The following APOBEC1 variants were observed in gnomAD, a reference collection of about 807,000 sequenced individuals.
APOBEC1 encodes the protein C->U-editing enzyme APOBEC-1.
APOBEC1 carries 22 observed loss-of-function variants against 26.3 expected under a neutral mutation model. The observed-to-expected ratio is 0.84, with a 90% CI of 0.60 to 1.19. The LOEUF (loss-of-function observed/expected upper bound fraction) is 1.19, where lower values mean the gene tolerates loss of function less well. Among genes scored for constraint, APOBEC1 ranks in the 50% most tolerant of loss-of-function variants. The probability of loss-of-function intolerance (pLI) is 0.00; values close to 1 mark genes in which losing one functional copy is unlikely to be tolerated. For synonymous variants in APOBEC1, 77 were observed against 95.3 expected, an observed-to-expected ratio of 0.81 and a Z score of 1.12; for missense variants, 253 against 289.0, an observed-to-expected ratio of 0.88 and a Z score of 0.90.
chr12:7,650,664 T>G (rs1017701118), intron 4 of APOBEC1, among the ~76,000 whole-genome samples: 3 of 152,104 alleles, frequency 2.0e-5, no homozygotes, highest in Non-Finnish European at 2.9e-5. Flanking sequence ...AGACTCCTGG[T>G]CTCAAGCAAT....
At chr12:7,654,781 A>C in intron 1 of APOBEC1, 149 bp from the exon 2 acceptor site, 13 of 795,306 alleles carry the variant, frequency 1.6e-5, no homozygotes, top group Non-Finnish European at 2.2e-5. Context: ...GGACCAGCTC[A>C]TTGTACCCAA....
At chr12:7,670,164 A>G (rs1055357087), upstream of APOBEC1, among the ~76,000 whole-genome samples, 2 of 137,848 alleles carry the variant, frequency 1.5e-5, no homozygotes, top group African/African-American at 2.8e-5. Flanking sequence ...TTGCATTTTT[A>G]GTAGAGATGG....
chr12:7,665,807 C>CACACACACACA, intron 1 of APOBEC1, 50 bp downstream of exon 1: 2 of 1,097,510 alleles, frequency 1.8e-6, no homozygotes, highest in Non-Finnish European at 2.6e-6. Flanking sequence ...ACACACACAC[C>CACACACACACA]ATTCTTGCAT....
upstream of APOBEC1, chr12:7,665,931 A>C (rs1364137828): frequency 3.1e-6 from 5 of 1,605,838 alleles, no homozygotes; most frequent in Non-Finnish European, 4.3e-6. Context: ...TTGTTCCTGG[A>C]CTTTGTTGCT....
chr12:7,663,480 G>A (rs748558730), intron 1 of APOBEC1, among the ~76,000 whole-genome samples: 3 of 152,114 alleles, frequency 2.0e-5, no homozygotes, highest in Non-Finnish European at 4.4e-5. Context: ...GAGGAAGGGG[G>A]TGGCTGGCAC....
rs775471449 is a variant in APOBEC1, at chr12:7,649,663, A to G, written c.595T>C (p.Trp199Arg). ...CTGAAAAATGTAAGATGATTTTGCC[A>G]TCTTCTTGAAATCTTTAAACAGGGT... ...LPPCLKISRR[W>R]QNHLTFFRLH... The change falls in exon 5 of 5, where the codon TGG becomes CGG. Residue 199 changes from tryptophan (W) to arginine (R), a missense_variant. Trp to Arg is a moderately radical substitution (Grantham distance 101, BLOSUM62 -3). Transcript: ENST00000229304. The G allele has an allele frequency of 1.2e-6, 2 of 1,613,888 alleles. No individual in the cohort carries two copies. Among genetic ancestry groups the G allele is most frequent in the African/African-American group, 2.7e-5 (2 of 75,050 alleles).
At chr12:7,655,853 G>A (rs990515302) in intron 1 of APOBEC1, among the ~76,000 whole-genome samples, 13 of 152,134 alleles carry the variant, frequency 8.5e-5, no homozygotes, top group Admixed American at 6.6e-4. Flanking sequence ...GGGTGTGTTA[G>A]CACACACCTG....
chr12:7,658,782 G>A (rs767996503), intron 1 of APOBEC1, among the ~76,000 whole-genome samples: 4 of 151,386 alleles, frequency 2.6e-5, no homozygotes, highest in Non-Finnish European at 5.9e-5. Context: ...GCGAAACCCC[G>A]TCTCTACTAA....
intron 1 of APOBEC1, among the ~76,000 whole-genome samples, chr12:7,664,699 G>A (rs1863867655): frequency 1.3e-5 from 2 of 152,086 alleles, no homozygotes; most frequent in Admixed American, 1.3e-4. Context: ...TGGATCACTT[G>A]AGCCCAGGAG....
At chr12:7,656,532 T>A (rs893616299) in intron 1 of APOBEC1, among the ~76,000 whole-genome samples, 5 of 152,138 alleles carry the variant, frequency 3.3e-5, no homozygotes, top group African/African-American at 1.2e-4. Flanking sequence ...GGTCCATGAA[T>A]CTCAGTCTAG....
chr12:7,650,834 G>A (rs767896399), intron 4 of APOBEC1, among the ~76,000 whole-genome samples, 189 bp downstream of exon 4: 26 of 152,312 alleles, frequency 1.7e-4, no homozygotes, highest in African/African-American at 5.1e-4. Context: ...AGCTTCCTGC[G>A]TAGCTGGGAC....
intron 1 of APOBEC1, 106 bp downstream of exon 1, chr12:7,665,751 G>GGA (rs1239843757): frequency 2.4e-6 from 2 of 817,366 alleles, no homozygotes; most frequent in Non-Finnish European, 3.4e-6. Flanking sequence ...AGAATCAGCA[G>GGA]GACACACACA....
intron 1 of APOBEC1, 30 bp from the exon 2 acceptor site, chr12:7,654,662 A>C (rs751276266): frequency 6.2e-7 from 1 of 1,611,760 alleles, no homozygotes; most frequent in Non-Finnish European, 8.5e-7. Flanking sequence ...TATGTCAAAC[A>C]ACACTCAAAT....
Position 7,651,235 on chromosome 12 carries a change from G to A in APOBEC1, c.443-94C>T. On this transcript the variant is annotated intron_variant, in intron 3 of 4. Coordinates refer to ENST00000229304, the MANE Select transcript of APOBEC1 (RefSeq NM_001644.5). ...TAGCTTCCCGTATAGAAAGCCTGTA[G>A]TCTCTAGTCTAGTTGCTGCTGGACA... 3.5e-6 allele frequency: 3 copies of A among 848,824 alleles called. No homozygotes were observed. The South Asian group carries it at 4.4e-5, about 13-fold the overall frequency. The allele number at this position is 848,824 out of a possible 1,614,324, so 52.6% of individuals were successfully genotyped here.
chr12:7,665,802 CACA>C (rs1863885062), intron 1 of APOBEC1, 52 bp downstream of exon 1: 6 of 1,326,380 alleles, frequency 4.5e-6, no homozygotes, highest in African/African-American at 3.1e-5. Context: ...CACACACACA[CACA>C]CCATTCTTGC....
chr12:7,655,380 T>A (rs1266316263), intron 1 of APOBEC1, among the ~76,000 whole-genome samples: 4 of 151,534 alleles, frequency 2.6e-5, no homozygotes, highest in Non-Finnish European at 5.9e-5. Flanking sequence ...CTGGGCGTGG[T>A]GGCGCATGCC....
chr12:7,661,191 G>A (rs73262787), intron 1 of APOBEC1, among the ~76,000 whole-genome samples: 9,625 of 143,474 alleles, frequency 0.067, 377 homozygotes, highest in African/African-American at 0.1. Flanking sequence ...GGGTGATAGA[G>A]CGAGACTCCG....
intron 1 of APOBEC1, among the ~76,000 whole-genome samples, chr12:7,657,306 G>A (rs1337301913): frequency 1.3e-5 from 2 of 152,110 alleles, no homozygotes; most frequent in Non-Finnish European, 2.9e-5. Flanking sequence ...GCCAGTCCTT[G>A]GAATATGTCT....
chr12:7,651,539 C>G (rs1025545027), intron 3 of APOBEC1, among the ~76,000 whole-genome samples: 7 of 150,460 alleles, frequency 4.7e-5, no homozygotes, highest in East Asian at 2.0e-4. Context: ...GCGTGAACCC[C>G]AGGTGGAGCT....
Sources: allele counts gnomAD v4.1 joint callset (sites outside exome capture counted in the v4.1 genomes callset), GRCh38; gene constraint gnomAD v4.1.1; transcripts MANE v1.5; gene names NCBI Gene and HGNC (gene_info 2026-07-23, HGNC 2026-07-21).